Variants in JPH3 observed in about 807,000 individuals in gnomAD.
The protein encoded by JPH3 is junctophilin-3.
JPH3 carries 11 observed loss-of-function variants against 59.6 expected under a neutral mutation model. The ratio of observed to expected loss-of-function variants is 0.18; its 90% CI spans 0.12 to 0.31. JPH3 has a LOEUF of 0.31. JPH3 is among the 10% of genes least tolerant of loss of function. JPH3 has a pLI of 1.00. For synonymous variants in JPH3, 673 were observed against 483.6 expected (o/e 1.39, Z -5.14); for missense variants, 1,202 against 1,105.7 (o/e 1.09, Z -1.24).
chr16:87,607,328 T>C (rs1207906935), intron 1 of JPH3, among the ~76,000 whole-genome samples: 1 of 151,920 alleles, frequency 6.6e-6, no homozygotes. Flanking sequence ...AAGATATGAG[T>C]CATCTCACGC....
chr16:87,616,190 T>TTGTGTGTGTGTGTGTG (rs56053716), intron 1 of JPH3, among the ~76,000 whole-genome samples: 13 of 116,046 alleles, frequency 1.1e-4, no homozygotes, highest in African/African-American at 3.1e-4. Flanking sequence ...CAATCTGGTT[T>TTGTGTGTGTGTGTGTG]TGTGTGTGTG....
intron 1 of JPH3, among the ~76,000 whole-genome samples, chr16:87,605,721 C>T (rs919858429): frequency 2.0e-5 from 3 of 152,290 alleles, no homozygotes; most frequent in South Asian, 4.1e-4. Flanking sequence ...ACAGATGAGG[C>T]CAGTAAGGCC....
At chr16:87,612,885 G>C (rs1439755979) in intron 1 of JPH3, among the ~76,000 whole-genome samples, 9 of 151,530 alleles carry the variant, frequency 5.9e-5, no homozygotes, top group African/African-American at 1.9e-4. Context: ...AGCTGGGCTT[G>C]GTGGCGGGCG....
chr16:87,690,967 G>A (rs1329171650), intron 4 of JPH3, among the ~76,000 whole-genome samples: 1 of 152,206 alleles, frequency 6.6e-6, no homozygotes, highest in African/African-American at 2.4e-5. Context: ...CTGGGAGTCA[G>A]GTCTGGGGTT....
intron 1 of JPH3, among the ~76,000 whole-genome samples, chr16:87,625,919 C>G (rs2031358604): frequency 6.6e-6 from 1 of 152,206 alleles, no homozygotes; most frequent in African/African-American, 2.4e-5. Context: ...CAACCCAAAA[C>G]TCAGGGCCTC....
chr16:87,656,406 C>G (rs1001028737), intron 2 of JPH3, among the ~76,000 whole-genome samples: 8 of 152,192 alleles, frequency 5.3e-5, no homozygotes, highest in African/African-American at 1.7e-4. Flanking sequence ...TGTTGGGGGA[C>G]TTACAGAGGG....
chr16:87,627,554 A>G (rs144589064), intron 1 of JPH3, among the ~76,000 whole-genome samples: 1 of 152,332 alleles, frequency 6.6e-6, no homozygotes, highest in East Asian at 1.9e-4. Flanking sequence ...CTTGTTTTAC[A>G]GGCAGGGACA....
At chr16:87,696,205 C>A in intron 4 of JPH3, 1 of 443,124 alleles carries the variant, frequency 2.3e-6, no homozygotes, top group Non-Finnish European at 4.4e-6. Flanking sequence ...TTCCACAGGG[C>A]AGGAGAAGCC....
Position 87,690,407 on chromosome 16 carries a change from C to A in JPH3, c.2047C>A (p.Leu683Met). 6.6e-7 allele frequency: 1 copy of A among 1,505,940 alleles called. No homozygotes were observed. Among genetic ancestry groups the A allele is most frequent in the Non-Finnish European group, 8.9e-7 (1 of 1,129,842 alleles). The allele number at this position is 1,505,940 out of a possible 1,614,324, so 93.3% of individuals were successfully genotyped here. The change falls in exon 4 of 5, where the codon CTG becomes ATG. Residue 683 changes from leucine (L) to methionine (M), a missense_variant. Physicochemically the swap from Leu to Met is conservative, Grantham distance 15. Coordinates refer to ENST00000284262, the MANE Select transcript of JPH3 (RefSeq NM_020655.4). ...PAVQKLASLR[L>M]GGAEPRLLRW... Reference sequence around the variant, plus strand: ...CGTGCAGAAACTGGCGAGCCTGCGGCTGGGCGGGGCCGAGCCCCGGTTGCT... The same window carrying A: ...CGTGCAGAAACTGGCGAGCCTGCGGATGGGCGGGGCCGAGCCCCGGTTGCT...
At chr16:87,656,410 C>T (rs966162692) in intron 2 of JPH3, among the ~76,000 whole-genome samples, 2 of 152,160 alleles carry the variant, frequency 1.3e-5, no homozygotes, top group Non-Finnish European at 2.9e-5. Context: ...GGGGGACTTA[C>T]AGAGGGGGCT....
At chr16:87,659,732 C>CAA (rs112492214) in intron 2 of JPH3, among the ~76,000 whole-genome samples, 1 of 141,986 alleles carries the variant, frequency 7.0e-6, no homozygotes. Flanking sequence ...GACTCCATTT[C>CAA]AAAAAAAAAA....
intron 3 of JPH3, among the ~76,000 whole-genome samples, chr16:87,686,788 C>G (rs995497512): frequency 1.3e-5 from 2 of 152,206 alleles, no homozygotes; most frequent in Non-Finnish European, 2.9e-5. Flanking sequence ...AGTCCTGAAG[C>G]TGCCTCCTCC....
At chr16:87,625,916 A>C (rs2150832024) in intron 1 of JPH3, among the ~76,000 whole-genome samples, 1 of 152,180 alleles carries the variant, frequency 6.6e-6, no homozygotes, top group South Asian at 2.1e-4. Flanking sequence ...ATTCAACCCA[A>C]AACTCAGGGC....
intron 1 of JPH3, among the ~76,000 whole-genome samples, chr16:87,614,117 G>C (rs968770569): frequency 7.2e-5 from 11 of 152,236 alleles, no homozygotes; most frequent in African/African-American, 2.2e-4. Flanking sequence ...TTGTAAGCTT[G>C]GGGGACTGCC....
At chr16:87,659,386 AGAAAAAAAAAAAG>A (rs1269383362) in intron 2 of JPH3, among the ~76,000 whole-genome samples, 4 of 115,814 alleles carry the variant, frequency 3.5e-5, no homozygotes, top group Non-Finnish European at 7.4e-5. Flanking sequence ...AAAAAAAAAA[AGAAAAAAAAAAAG>A]AAAACTACAC....
chr16:87,668,925 C>T (rs141600579), intron 2 of JPH3, among the ~76,000 whole-genome samples: 36 of 152,296 alleles, frequency 2.4e-4, no homozygotes, highest in African/African-American at 8.4e-4. Context: ...GATCTCCTCT[C>T]CCTCGCCTCC....
At position 87,652,414 on chromosome 16, in the gene JPH3, T is replaced by C. The variant is rs530965755; in HGVS notation, c.1160+7379T>C. ...TTTTAAAATTAAGATTTGCAATTTT[T>C]TAAGATATAATGCTATAGCACGCTT... On this transcript the variant is annotated intron_variant, in intron 2 of 4. Transcript: ENST00000284262. Among the ~76,000 whole-genome samples the C allele has an allele frequency of 2.0e-5, 3 of 152,388 alleles. 1 individual carries two copies. Among genetic ancestry groups the C allele is most frequent in the African/African-American group, 7.2e-5 (3 of 41,594 alleles).
chr16:87,603,024 G>C lies in JPH3; in HGVS notation c.-123G>C. ...CCCGCGCCCGAGACCGCGCTCCGGGGCCGCGTCCTCCTCTCCTCCGGAAAA... is the reference window on the plus strand; with the variant it reads ...CCCGCGCCCGAGACCGCGCTCCGGGCCCGCGTCCTCCTCTCCTCCGGAAAA... On this transcript the variant is annotated 5_prime_UTR_variant, in exon 1 of 5. Coordinates refer to ENST00000284262, the MANE Select transcript of JPH3 (RefSeq NM_020655.4). 7.7e-7 allele frequency: 1 copy of C among 1,291,110 alleles called. No individual in the cohort carries two copies. The highest frequency in any genetic ancestry group is 1.5e-5 in the South Asian group (1 of 67,580). The allele number at this position is 1,291,110 out of a possible 1,614,324, so 80.0% of individuals were successfully genotyped here.
rs759067110 is a variant in JPH3, at chr16:87,690,268, C to T, written c.1908C>T (p.Cys636=). The T allele has an allele frequency of 1.2e-6, 2 of 1,602,150 alleles. No individual in the cohort carries two copies. Among genetic ancestry groups the T allele is most frequent in the Admixed American group, 1.7e-5 (1 of 58,732 alleles). The change falls in exon 4 of 5, where the codon TGC becomes TGT. Residue 636 remains cysteine (C), a synonymous_variant. Coordinates refer to ENST00000284262, the MANE Select transcript of JPH3 (RefSeq NM_020655.4). ...QKRRYSKGGA[C]RGLGDDHRPE... ...GACGCTACAGCAAGGGCGGCGCCTG[C>T]CGGGGCTTGGGGGACGACCACCGCC...
Sources: allele counts gnomAD v4.1 joint callset (sites outside exome capture counted in the v4.1 genomes callset), GRCh38; gene constraint gnomAD v4.1.1; transcripts MANE v1.5; gene names NCBI Gene and HGNC (gene_info 2026-07-23, HGNC 2026-07-21).